The following USH2A variants were observed in gnomAD, a reference collection of about 807,000 sequenced individuals.
USH2A encodes usherin, also known as Usher syndrome 2A (autosomal recessive, mild).
USH2A carries 443 observed loss-of-function variants against 538.9 expected under a neutral mutation model. The ratio of observed to expected loss-of-function variants is 0.82; its 90% CI spans 0.76 to 0.89. The LOEUF is 0.89. USH2A is among the 40% of genes least tolerant of loss of function. The pLI is 0.00. For missense variants in USH2A, 6,633 were observed against 6,324.8 expected, an observed-to-expected ratio of 1.05 and a Z score of -1.65; for synonymous variants, 2,413 against 2,273.5, an observed-to-expected ratio of 1.06 and a Z score of -1.75.
intron 44 of USH2A, among the ~76,000 whole-genome samples, chr1:215,853,402 C>T (rs1455575967): frequency 6.6e-6 from 1 of 152,164 alleles, no homozygotes; most frequent in Non-Finnish European, 1.5e-5. Flanking sequence ...GGCCTCTGGG[C>T]CTGTGTTGGT....
At chr1:215,841,744 C>T (rs1663681956) in intron 46 of USH2A, among the ~76,000 whole-genome samples, 1 of 152,106 alleles carries the variant, frequency 6.6e-6, no homozygotes, top group African/African-American at 2.4e-5. Flanking sequence ...AAACTATCCT[C>T]AGAGTGAACA....
At chr1:215,687,685 A>C (rs1219769933) in intron 61 of USH2A, among the ~76,000 whole-genome samples, 1 of 152,138 alleles carries the variant, frequency 6.6e-6, no homozygotes, top group Non-Finnish European at 1.5e-5. Context: ...TGATCTATCA[A>C]AATTAAAAAT....
At chr1:215,677,272 A>T (rs1658062823) in intron 62 of USH2A, among the ~76,000 whole-genome samples, 1 of 152,026 alleles carries the variant, frequency 6.6e-6, no homozygotes, top group South Asian at 2.1e-4. Context: ...CTCCTTCCCC[A>T]AGACTTCACT....
At chr1:215,846,143 T>C in intron 44 of USH2A, 110 bp from the exon 45 acceptor site, 2 of 1,050,954 alleles carry the variant, frequency 1.9e-6, no homozygotes, top group Non-Finnish European at 1.4e-6. Flanking sequence ...TTAGAGAGCC[T>C]TTGTTTTGGA....
chr1:215,692,835 C>A (rs1012369793), intron 61 of USH2A, among the ~76,000 whole-genome samples: 1 of 151,942 alleles, frequency 6.6e-6, no homozygotes, highest in African/African-American at 2.4e-5. Context: ...CCATCTCCTC[C>A]CCCATGCCCC....
chr1:215,784,162 T>G (rs947513833), intron 52 of USH2A, among the ~76,000 whole-genome samples: 4 of 152,120 alleles, frequency 2.6e-5, no homozygotes, highest in Non-Finnish European at 4.4e-5. Context: ...GAAAACCACA[T>G]TTGCCAGTTT....
intron 3 of USH2A, among the ~76,000 whole-genome samples, chr1:216,382,864 A>G (rs183474881): frequency 5.9e-5 from 9 of 152,294 alleles, no homozygotes; most frequent in Non-Finnish European, 1.2e-4. Flanking sequence ...AAAAGGAATA[A>G]AACTATATTG....
intron 14 of USH2A, among the ~76,000 whole-genome samples, chr1:216,224,125 G>A (rs375247965): frequency 6.6e-6 from 1 of 152,136 alleles, no homozygotes; most frequent in African/African-American, 2.4e-5. Context: ...AGAATATAGA[G>A]AGGGTATATC....
At chr1:216,376,379 A>T (rs1182471960) in intron 3 of USH2A, among the ~76,000 whole-genome samples, 1 of 152,180 alleles carries the variant, frequency 6.6e-6, no homozygotes, top group Non-Finnish European at 1.5e-5. Context: ...ATGAGAATAT[A>T]GAGGGTAGTG....
intron 3 of USH2A, among the ~76,000 whole-genome samples, chr1:216,368,806 T>C (rs1019204153): frequency 6.6e-6 from 1 of 152,168 alleles, no homozygotes; most frequent in Non-Finnish European, 1.5e-5. Context: ...ATGTGGTGTA[T>C]AACGTATTTT....
At position 216,000,526 on chromosome 1, in the gene USH2A, C is replaced by T; in HGVS notation, c.6362G>A (p.Ser2121Asn). 1 of 1,613,602 alleles carries T rather than the reference C, an allele frequency of 6.2e-7. No individual in the cohort carries two copies. Residue 2121 changes from serine to asparagine, a missense_variant, in exon 33 of 72, where the codon AGT (serine) becomes AAT (asparagine). Coordinates refer to ENST00000307340, the MANE Select transcript of USH2A (RefSeq NM_206933.4). Reference sequence around the variant, plus strand: ...TGTACAGCCCACATGTGTGCATGCACTTAGTAGAAACTGGTGGGGTGTAAA... The same window carrying T: ...TGTACAGCCCACATGTGTGCATGCATTTAGTAGAAACTGGTGGGGTGTAAA... ...AVFTPHQFLLSACTHVGCTNS... is the reference protein window; with the variant it reads ...AVFTPHQFLLNACTHVGCTNS...
intron 38 of USH2A, among the ~76,000 whole-genome samples, chr1:215,910,193 A>T (rs1665744239): frequency 6.6e-6 from 1 of 152,016 alleles, no homozygotes; most frequent in Admixed American, 6.6e-5. Context: ...ATATTAGATA[A>T]TCCTGAACAT....
At chr1:215,821,450 A>T (rs78562904) in intron 47 of USH2A, among the ~76,000 whole-genome samples, 5,457 of 151,456 alleles carry the variant, frequency 0.036, 171 homozygotes, top group East Asian at 0.15. Context: ...TTTTAATCAG[A>T]TGTTTTGTTT....
intron 64 of USH2A, among the ~76,000 whole-genome samples, chr1:215,652,961 A>G (rs1657126851): frequency 6.6e-6 from 1 of 152,220 alleles, no homozygotes; most frequent in Admixed American, 6.5e-5. Flanking sequence ...TTGCCAATTA[A>G]TTACTGTGCA....
intron 38 of USH2A, among the ~76,000 whole-genome samples, chr1:215,922,367 G>T (rs2102489490): frequency 6.6e-6 from 1 of 152,144 alleles, no homozygotes; most frequent in South Asian, 2.1e-4. Flanking sequence ...ATCTGTTCCT[G>T]GCCCATTCAG....
intron 32 of USH2A, among the ~76,000 whole-genome samples, chr1:216,029,326 T>C (rs1305009245): frequency 6.6e-6 from 1 of 152,076 alleles, no homozygotes. Flanking sequence ...GCACAAGTGC[T>C]TTACAATATA....
chr1:216,359,476 C>T (rs1403880012), intron 4 of USH2A, among the ~76,000 whole-genome samples: 1 of 152,014 alleles, frequency 6.6e-6, no homozygotes, highest in African/African-American at 2.4e-5. Context: ...ATCAAAGAAG[C>T]ACACCTGGGT....
chr1:215,624,925 G>A lies in USH2A; in HGVS notation c.*856C>T, dbSNP rs931087938. 2.0e-5 allele frequency: 3 copies of A among 152,144 alleles called. No individual in the cohort carries two copies. The allele number at this position is 152,144 out of a possible 1,614,324, so 9.4% of individuals were successfully genotyped here. Reference sequence around the variant, plus strand: ...GTTTCCATTTGAAATGTGCTAGGTTGAAGATGTCAGTATTCTCTGATATTC... The same window carrying A: ...GTTTCCATTTGAAATGTGCTAGGTTAAAGATGTCAGTATTCTCTGATATTC... On this transcript the variant is annotated 3_prime_UTR_variant, in exon 72 of 72. Coordinates refer to ENST00000307340, the MANE Select transcript of USH2A (RefSeq NM_206933.4).
chr1:215,821,042 A>G (rs1458165594), intron 47 of USH2A, among the ~76,000 whole-genome samples: 1 of 151,850 alleles, frequency 6.6e-6, no homozygotes. Context: ...CAGCACTGCA[A>G]TAAACATGGG....
Sources: allele counts gnomAD v4.1 joint callset (sites outside exome capture counted in the v4.1 genomes callset), GRCh38; gene constraint gnomAD v4.1.1; transcripts MANE v1.5; gene names NCBI Gene and HGNC (gene_info 2026-07-23, HGNC 2026-07-21).